Variants in RALGPS2 observed in about 807,000 individuals in gnomAD.
RALGPS2 encodes ras-specific guanine nucleotide-releasing factor RalGPS2.
A neutral mutation model predicts 86.8 loss-of-function variants in RALGPS2; 43 were observed. That is an observed-to-expected ratio of 0.50 (90% CI 0.39 to 0.64). The LOEUF (loss-of-function observed/expected upper bound fraction) is 0.64. Among genes scored for constraint, RALGPS2 ranks in the 30% least tolerant of loss-of-function variants. The pLI is 0.00. For missense variants in RALGPS2, 536 were observed against 694.6 expected (o/e 0.77, Z 2.57); for synonymous variants, 243 against 231.3 (o/e 1.05, Z -0.46).
chr1:178,740,690 C>T (rs1243451370), intron 1 of RALGPS2, among the ~76,000 whole-genome samples: 1 of 152,166 alleles, frequency 6.6e-6, no homozygotes, highest in South Asian at 2.1e-4. Context: ...AGGTATGGAA[C>T]ATGAGAGTGA....
At chr1:178,853,397 C>A (rs1360962654) in intron 8 of RALGPS2, among the ~76,000 whole-genome samples, 1 of 152,098 alleles carries the variant, frequency 6.6e-6, no homozygotes, top group Non-Finnish European at 1.5e-5. Context: ...AGTATATCTT[C>A]TGTTTCCTTT....
In RALGPS2 at chr1:178,877,638, A is replaced by G; in HGVS notation, c.745+3A>G. 6.2e-7 allele frequency: 1 copy of G among 1,612,674 alleles called. No homozygotes were observed. The highest frequency in any genetic ancestry group is 8.5e-7 in the Non-Finnish European group (1 of 1,179,076). Reference sequence around the variant, plus strand: ...TTTACAGCAGTCTTGTGAATATGGTAAGTTTCTAGGGGATAATGCCAAGCC... The same window carrying G: ...TTTACAGCAGTCTTGTGAATATGGTGAGTTTCTAGGGGATAATGCCAAGCC... On this transcript the variant is annotated splice_donor_region_variant and intron_variant, in intron 9 of 19. Coordinates refer to ENST00000367635, the MANE Select transcript of RALGPS2 (RefSeq NM_152663.5).
intron 8 of RALGPS2, among the ~76,000 whole-genome samples, chr1:178,862,212 T>TA (rs1241408590): frequency 2.6e-5 from 4 of 152,092 alleles, no homozygotes; most frequent in African/African-American, 9.7e-5. Context: ...AATTTAATGA[T>TA]ACTCTGGCCT....
intron 7 of RALGPS2, among the ~76,000 whole-genome samples, chr1:178,831,403 T>G (rs974244579): frequency 2.6e-5 from 4 of 152,192 alleles, no homozygotes; most frequent in African/African-American, 9.6e-5. Context: ...GAGTTTGTGT[T>G]TCCTGGGGTG....
intron 1 of RALGPS2, among the ~76,000 whole-genome samples, chr1:178,734,379 A>AT (rs2102008463): frequency 6.6e-6 from 1 of 152,354 alleles, no homozygotes; most frequent in South Asian, 2.1e-4. Context: ...TAGAAAACAG[A>AT]TAAGTGGCTT....
At chr1:178,880,741 T>C (rs1170558160) in intron 10 of RALGPS2, among the ~76,000 whole-genome samples, 4 of 152,220 alleles carry the variant, frequency 2.6e-5, no homozygotes, top group Non-Finnish European at 4.4e-5. Context: ...AATTTAAAGT[T>C]TATTAGATTG....
intron 1 of RALGPS2, among the ~76,000 whole-genome samples, chr1:178,742,181 T>C (rs1572274866): frequency 6.9e-6 from 1 of 145,286 alleles, no homozygotes; most frequent in Non-Finnish European, 1.5e-5. Context: ...TGAGATTGGA[T>C]TAAAAAAACA....
chr1:178,913,301 GA>G lies in RALGPS2; in HGVS notation c.1723-3024del, dbSNP rs550162783. Among the ~76,000 whole-genome samples, 1,044 of 151,444 alleles carry G rather than the reference GA, an allele frequency of 6.9e-3. 7 individuals carry two copies. The highest frequency in any genetic ancestry group is 0.023 in the African/African-American group (965 of 41,332). Reference sequence around the variant, plus strand: ...CCATCTCAAAAAAAAAAAAAGAAAAGAAAAAGAAAGAAATTTCTAGAGTGAA... The same window carrying G: ...CCATCTCAAAAAAAAAAAAAGAAAAGAAAAGAAAGAAATTTCTAGAGTGAA... On this transcript the variant is annotated intron_variant, in intron 19 of 19. Coordinates refer to ENST00000367635, the MANE Select transcript of RALGPS2 (RefSeq NM_152663.5).
chr1:178,791,240 C>T (rs1653937622), intron 4 of RALGPS2, among the ~76,000 whole-genome samples: 1 of 151,854 alleles, frequency 6.6e-6, no homozygotes, highest in Admixed American at 6.6e-5. Context: ...CCCACCTCAG[C>T]CTGCCAAGTA....
intron 18 of RALGPS2, among the ~76,000 whole-genome samples, chr1:178,904,345 C>T (rs964018525): frequency 6.6e-6 from 1 of 152,136 alleles, no homozygotes; most frequent in African/African-American, 2.4e-5. Context: ...TGCAAACGCT[C>T]TTTAGTTTAA....
In RALGPS2 at chr1:178,906,751, TC is replaced by T. The variant is rs770116773; in HGVS notation, c.1631-20del. The stretch of plus-strand genomic sequence containing the variant: ...GTGTCGTCCTTACATTTTTAATATT[TC>T]CCCCTTATTTTGGATAATTTTAGGA... On this transcript the variant is annotated intron_variant, in intron 18 of 19. Coordinates refer to ENST00000367635, the MANE Select transcript of RALGPS2 (RefSeq NM_152663.5). The T allele has an allele frequency of 2.6e-6, 4 of 1,567,118 alleles. No individual in the cohort carries two copies. The East Asian group carries it at 9.0e-5, about 35-fold the overall frequency.
At chr1:178,790,492 CCTGT>C (rs1653899290) in intron 4 of RALGPS2, among the ~76,000 whole-genome samples, 1 of 152,194 alleles carries the variant, frequency 6.6e-6, no homozygotes, top group Non-Finnish European at 1.5e-5. Flanking sequence ...CTGTATCATT[CCTGT>C]CTATTTAGTT....
At chr1:178,886,875 G>A (rs1301727295) in intron 13 of RALGPS2, among the ~76,000 whole-genome samples, 1 of 152,168 alleles carries the variant, frequency 6.6e-6, no homozygotes, top group African/African-American at 2.4e-5. Flanking sequence ...GAACAAGAGA[G>A]CTAAGATGAG....
chr1:178,750,380 A>G (rs1381390688), intron 1 of RALGPS2, among the ~76,000 whole-genome samples: 1 of 152,356 alleles, frequency 6.6e-6, no homozygotes, highest in African/African-American at 2.4e-5. Flanking sequence ...CCAGTTTGGC[A>G]AACCTTGCTC....
intron 3 of RALGPS2, 51 bp from the exon 4 acceptor site, chr1:178,785,506 T>G: frequency 1.3e-6 from 2 of 1,526,464 alleles, no homozygotes; most frequent in South Asian, 2.6e-5. Flanking sequence ...GGTTACATGT[T>G]ATGGTATAGA....
At chr1:178,861,187 T>A (rs1354368898) in intron 8 of RALGPS2, among the ~76,000 whole-genome samples, 2 of 152,332 alleles carry the variant, frequency 1.3e-5, no homozygotes, top group South Asian at 4.1e-4. Context: ...AATGTACTAA[T>A]TAGTATAGTA....
chr1:178,741,093 C>T (rs940618854), intron 1 of RALGPS2, among the ~76,000 whole-genome samples: 1 of 152,106 alleles, frequency 6.6e-6, no homozygotes, highest in African/African-American at 2.4e-5. Flanking sequence ...AGTTAATCTC[C>T]TTACTGATTC....
At chr1:178,793,468 G>A (rs1654053823) in intron 4 of RALGPS2, among the ~76,000 whole-genome samples, 1 of 148,628 alleles carries the variant, frequency 6.7e-6, no homozygotes, top group Admixed American at 6.8e-5. Context: ...TTGAACTCCT[G>A]GGCTCAAGTG....
At chr1:178,865,391 C>T (rs1228887425) in intron 8 of RALGPS2, 15 of 1,613,862 alleles carry the variant, frequency 9.3e-6, no homozygotes, top group South Asian at 8.8e-5. Context: ...TTGAGTAACA[C>T]GAGAGTTCAT....
Sources: allele counts gnomAD v4.1 joint callset (sites outside exome capture counted in the v4.1 genomes callset), GRCh38; gene constraint gnomAD v4.1.1; transcripts MANE v1.5; gene names NCBI Gene and HGNC (gene_info 2026-07-23, HGNC 2026-07-21).